PCDH9: variants seen among roughly 807,000 people sequenced by gnomAD.
PCDH9 encodes protocadherin 9, also known as protocadherin-9.
A neutral mutation model predicts 70.6 loss-of-function variants in PCDH9; 24 were observed. The ratio of observed to expected loss-of-function variants is 0.34; its 90% CI spans 0.25 to 0.48. PCDH9 has a LOEUF of 0.48. Among genes scored for constraint, PCDH9 ranks in the 20% least tolerant of loss-of-function variants. PCDH9 has a pLI of 0.99. For missense variants in PCDH9, 1,281 were observed against 1,503.6 expected, an observed-to-expected ratio of 0.85 and a Z score of 2.45; for synonymous variants, 562 against 558.5, an observed-to-expected ratio of 1.01 and a Z score of -0.09.
intron 3 of PCDH9, among the ~76,000 whole-genome samples, chr13:66,805,889 T>G (rs1476156305): frequency 6.6e-6 from 1 of 152,104 alleles, no homozygotes; most frequent in African/African-American, 2.4e-5. Flanking sequence ...TATTTTCTGT[T>G]TTATGACTTT....
At position 67,066,376 on chromosome 13, in the gene PCDH9, GGCGCCT is replaced by G. The variant is rs539320024; in HGVS notation, c.3036+159023_3036+159028del. Among the ~76,000 whole-genome samples, 6 of 152,234 alleles carry G rather than the reference GGCGCCT, an allele frequency of 3.9e-5. No individual in the cohort carries two copies. The East Asian group carries it at 1.2e-3, about 29-fold the overall frequency. ...AGCCTCCCAAGTAGCTGGGATTACA[GGCGCCT>G]GCCACCACACCCAGCTAATTTTTGT... is the stretch of plus-strand genomic sequence containing the variant. On this transcript the variant is annotated intron_variant, in intron 2 of 4. Coordinates refer to ENST00000377865, the MANE Select transcript of PCDH9 (RefSeq NM_203487.3).
chr13:66,512,011 A>G (rs1349357560), intron 4 of PCDH9, among the ~76,000 whole-genome samples: 2 of 152,174 alleles, frequency 1.3e-5, no homozygotes, highest in Admixed American at 6.5e-5. Flanking sequence ...TAAAATCTCC[A>G]TTTTGTAAAA....
intron 3 of PCDH9, among the ~76,000 whole-genome samples, chr13:66,756,123 T>C (rs1358226214): frequency 6.6e-6 from 1 of 152,160 alleles, no homozygotes; most frequent in Admixed American, 6.5e-5. Context: ...TAGATTTAGA[T>C]CTACAAACTT....
intron 3 of PCDH9, among the ~76,000 whole-genome samples, chr13:66,763,190 G>A (rs2079656039): frequency 6.6e-6 from 1 of 151,650 alleles, no homozygotes; most frequent in Non-Finnish European, 1.5e-5. Flanking sequence ...TTTATAAAAT[G>A]ACATATATTT....
intron 3 of PCDH9, among the ~76,000 whole-genome samples, chr13:66,753,512 A>C (rs1035889244): frequency 6.6e-6 from 1 of 152,080 alleles, no homozygotes; most frequent in Non-Finnish European, 1.5e-5. Context: ...GTAAAGCAGT[A>C]AAATTTTATC....
chr13:66,929,025 C>A (rs2082761523), intron 2 of PCDH9, among the ~76,000 whole-genome samples: 1 of 152,046 alleles, frequency 6.6e-6, no homozygotes, highest in African/African-American at 2.4e-5. Flanking sequence ...ATAGAGAATG[C>A]ATATGTTACA....
intron 4 of PCDH9, among the ~76,000 whole-genome samples, chr13:66,367,079 TA>T (rs1956565261): frequency 6.6e-6 from 1 of 152,180 alleles, no homozygotes; most frequent in Non-Finnish European, 1.5e-5. Flanking sequence ...CATTAATTTT[TA>T]AATTTATTTA....
At chr13:66,664,796 C>T (rs1013570243) in intron 3 of PCDH9, among the ~76,000 whole-genome samples, 3 of 152,050 alleles carry the variant, frequency 2.0e-5, no homozygotes, top group Non-Finnish European at 4.4e-5. Flanking sequence ...CTCAACTTTA[C>T]CTTTTGTTTA....
intron 2 of PCDH9, among the ~76,000 whole-genome samples, chr13:66,950,964 CA>C (rs34846833): frequency 0.55 from 82,817 of 150,194 alleles, 24,249 homozygotes; most frequent in East Asian, 0.9. Context: ...GGCTTATAAG[CA>C]AAAAAAAAAT....
intron 4 of PCDH9, among the ~76,000 whole-genome samples, chr13:66,486,401 G>A (rs1281121784): frequency 3.3e-5 from 5 of 151,970 alleles, no homozygotes; most frequent in Admixed American, 6.6e-5. Flanking sequence ...AGGCTTCGGT[G>A]AGCTGTGACT....
chr13:66,443,002 C>A (rs949947036), intron 4 of PCDH9, among the ~76,000 whole-genome samples: 1 of 152,138 alleles, frequency 6.6e-6, no homozygotes, highest in Admixed American at 6.6e-5. Flanking sequence ...TTCAACAGGG[C>A]AAGCCAAAAA....
chr13:67,086,639 T>C (rs1328384597), intron 2 of PCDH9, among the ~76,000 whole-genome samples: 5 of 152,164 alleles, frequency 3.3e-5, no homozygotes, highest in African/African-American at 1.2e-4. Context: ...GATGCTACTG[T>C]TGTTCAAGAG....
At chr13:66,802,484 C>G (rs2165599) in intron 3 of PCDH9, among the ~76,000 whole-genome samples, 51,675 of 151,786 alleles carry the variant, frequency 0.34, 9,755 homozygotes, top group Non-Finnish European at 0.43. Context: ...ATTATAATTA[C>G]ACATTTTGTA....
chr13:66,662,231 G>C (rs1390280880), intron 3 of PCDH9, among the ~76,000 whole-genome samples: 4 of 152,046 alleles, frequency 2.6e-5, no homozygotes, highest in African/African-American at 9.7e-5. Flanking sequence ...CTGGCACTTT[G>C]GGGGGCTGAG....
intron 2 of PCDH9, among the ~76,000 whole-genome samples, chr13:66,998,625 T>C (rs935753308): frequency 3.3e-5 from 5 of 152,188 alleles, no homozygotes; most frequent in Non-Finnish European, 7.3e-5. Flanking sequence ...AAGGAAAACA[T>C]AATTCAGGCA....
intron 4 of PCDH9, among the ~76,000 whole-genome samples, chr13:66,361,024 T>C (rs117255257): frequency 0.01 from 1,534 of 152,204 alleles, 23 homozygotes; most frequent in Middle Eastern, 0.041. Context: ...CCTCAAGTGC[T>C]CTTATATAGC....
Position 66,476,463 on chromosome 13 carries a change from T to G in PCDH9, c.3340+154747A>C, listed in dbSNP as rs114769734. Among the ~76,000 whole-genome samples the G allele has an allele frequency of 4.6e-3, 707 of 152,238 alleles. 1 individual carries two copies. Among genetic ancestry groups the G allele is most frequent in the African/African-American group, 0.016 (681 of 41,570 alleles). ...GTTTCAATCTTGTTATTCCATTTGA[T>G]GATTTGCAATCCTAATTAACTGTAA... On this transcript the variant is annotated intron_variant, in intron 4 of 4. Coordinates refer to ENST00000377865, the MANE Select transcript of PCDH9 (RefSeq NM_203487.3).
intron 2 of PCDH9, among the ~76,000 whole-genome samples, chr13:67,023,751 C>A (rs892987807): frequency 2.6e-5 from 4 of 151,160 alleles, no homozygotes; most frequent in Non-Finnish European, 5.9e-5. Context: ...CTACAAGCAA[C>A]CAACAGGAAG....
chr13:66,842,873 T>C (rs545888573), intron 3 of PCDH9, among the ~76,000 whole-genome samples: 59 of 152,282 alleles, frequency 3.9e-4, no homozygotes, highest in Non-Finnish European at 7.4e-4. Flanking sequence ...CTAACTCAGA[T>C]ATATAGGAAG....
Sources: allele counts gnomAD v4.1 joint callset (sites outside exome capture counted in the v4.1 genomes callset), GRCh38; gene constraint gnomAD v4.1.1; transcripts MANE v1.5; gene names NCBI Gene and HGNC (gene_info 2026-07-23, HGNC 2026-07-21).